Variants in PTPRZ1 observed in about 807,000 individuals in gnomAD.
The protein encoded by PTPRZ1 is protein tyrosine phosphatase receptor type Z1.
In PTPRZ1, 82 loss-of-function variants were observed where a neutral mutation model predicts 214.1. The observed-to-expected ratio is 0.38, with a 90% confidence interval of 0.32 to 0.46. The LOEUF is 0.46. Among genes scored for constraint, PTPRZ1 ranks in the 20% least tolerant of loss-of-function variants. The pLI is 1.00. For missense variants in PTPRZ1, 2,603 were observed against 2,748.7 expected, an observed-to-expected ratio of 0.95 and a Z score of 1.19; for synonymous variants, 945 against 987.9, an observed-to-expected ratio of 0.96 and a Z score of 0.81.
rs572754202 is a variant in PTPRZ1 at position 122,043,412 on chromosome 7, T to A, written c.5937+669T>A. On this transcript the variant is annotated intron_variant, in intron 22 of 29. Coordinates refer to ENST00000393386, the MANE Select transcript of PTPRZ1 (RefSeq NM_002851.3). ...ATAGTGGATGAATCAATTCATTTTT[T>A]AAAAAAATATGAATTATGCTTAAAT... 5.3e-5 allele frequency among the ~76,000 whole-genome samples: 8 copies of A among 152,276 alleles called. No homozygotes were observed. The South Asian group carries it at 1.0e-3, about 20-fold the overall frequency.
rs1388796972 is a variant in PTPRZ1 at position 122,012,356 on chromosome 7, G to A, written c.3310G>A (p.Ala1104Thr). The change falls in exon 12 of 30, where the codon GCT becomes ACT. Residue 1104 changes from alanine to threonine, a missense_variant. Coordinates refer to ENST00000393386, the MANE Select transcript of PTPRZ1 (RefSeq NM_002851.3). ...STKGMFPGSL[A>T]HTTTKVFDHE... ...CAAGGGCATGTTTCCAGGGTCCCTT[G>A]CTCATACCACCACTAAGGTTTTTGA... is the stretch of plus-strand genomic sequence containing the variant. 2 of 1,613,870 alleles carry A rather than the reference G, an allele frequency of 1.2e-6. No individual in the cohort carries two copies. The highest frequency in any genetic ancestry group is 2.2e-5 in the South Asian group (2 of 91,062).
At chr7:121,928,888 T>G (rs1795843431) in intron 2 of PTPRZ1, among the ~76,000 whole-genome samples, 1 of 152,206 alleles carries the variant, frequency 6.6e-6, no homozygotes, top group Admixed American at 6.5e-5. Context: ...GAGTGGAATT[T>G]GGGTGAACCA....
chr7:122,022,382 A>G (rs1409491063), intron 13 of PTPRZ1, among the ~76,000 whole-genome samples: 1 of 151,956 alleles, frequency 6.6e-6, no homozygotes. Flanking sequence ...TTGTCTTTCT[A>G]TTATTGAGTT....
chr7:122,024,550 C>T (rs561331317), intron 13 of PTPRZ1, among the ~76,000 whole-genome samples: 1 of 152,096 alleles, frequency 6.6e-6, no homozygotes, highest in East Asian at 1.9e-4. Context: ...GTATACCTAA[C>T]CAATATGCAA....
intron 21 of PTPRZ1, among the ~76,000 whole-genome samples, chr7:122,041,220 C>CAACTG (rs1799721898): frequency 6.6e-6 from 1 of 152,254 alleles, no homozygotes; most frequent in African/African-American, 2.4e-5. Context: ...TTTGATTGTT[C>CAACTG]AACTGCATTT....
chr7:121,984,218 A>T, intron 8 of PTPRZ1, 101 bp downstream of exon 8: 2 of 1,041,832 alleles, frequency 1.9e-6, no homozygotes, highest in Non-Finnish European at 2.6e-6. Context: ...AGCTTTAGAA[A>T]TGTTTTAATT....
intron 2 of PTPRZ1, among the ~76,000 whole-genome samples, chr7:121,959,114 C>A (rs757502922): frequency 6.6e-6 from 1 of 152,180 alleles, no homozygotes; most frequent in African/African-American, 2.4e-5. Flanking sequence ...TGAGCCACCA[C>A]GCCCGGCCCC....
chr7:121,900,224 C>T (rs940741030), intron 1 of PTPRZ1, among the ~76,000 whole-genome samples: 3 of 152,062 alleles, frequency 2.0e-5, no homozygotes, highest in Non-Finnish European at 2.9e-5. Flanking sequence ...GCTGAAGACA[C>T]AAGGTCATAA....
intron 8 of PTPRZ1, among the ~76,000 whole-genome samples, chr7:121,985,894 A>G: frequency 6.6e-6 from 1 of 152,232 alleles, no homozygotes; most frequent in Non-Finnish European, 1.5e-5. Flanking sequence ...CCATAATGGA[A>G]GTAAATAAGT....
chr7:121,976,289 A>G (rs1252744034), intron 5 of PTPRZ1, 21 bp downstream of exon 5: 7 of 1,360,278 alleles, frequency 5.1e-6, no homozygotes, highest in Non-Finnish European at 5.1e-6. Flanking sequence ...TACACTTTAC[A>G]CTAATGTAAT....
intron 11 of PTPRZ1, among the ~76,000 whole-genome samples, chr7:122,007,397 G>A (rs1176643956): frequency 6.6e-6 from 1 of 152,096 alleles, no homozygotes; most frequent in Non-Finnish European, 1.5e-5. Flanking sequence ...GCAGTGATTG[G>A]TAAGCTTGGC....
intron 13 of PTPRZ1, among the ~76,000 whole-genome samples, chr7:122,024,860 A>G (rs940422): frequency 0.058 from 8,767 of 152,240 alleles, 423 homozygotes; most frequent in African/African-American, 0.13. Flanking sequence ...CCATTCAGTC[A>G]TAGTTATTGG....
intron 10 of PTPRZ1, among the ~76,000 whole-genome samples, chr7:121,999,785 C>T (rs1323306492): frequency 6.6e-6 from 1 of 152,022 alleles, no homozygotes; most frequent in Non-Finnish European, 1.5e-5. Context: ...GTATTTTCTC[C>T]ATAAGTGATT....
chr7:122,034,517 G>A (rs1225071396), intron 17 of PTPRZ1, 139 bp downstream of exon 17: 1 of 663,420 alleles, frequency 1.5e-6, no homozygotes, highest in Non-Finnish European at 2.6e-6. Context: ...TAAGACTTGT[G>A]TTAGATAATA....
intron 13 of PTPRZ1, among the ~76,000 whole-genome samples, chr7:122,021,975 G>A (rs556262215): frequency 3.4e-4 from 52 of 152,208 alleles, no homozygotes; most frequent in African/African-American, 1.2e-3. Context: ...CAAGGTTTAT[G>A]TGAATTATTC....
chr7:121,976,937 C>T (rs941926746), intron 6 of PTPRZ1, 86 bp downstream of exon 6: 9 of 1,130,420 alleles, frequency 8.0e-6, no homozygotes, highest in Non-Finnish European at 1.1e-5. Flanking sequence ...TCACTTGTTC[C>T]AAAAGGTGGA....
Position 122,013,822 on chromosome 7 carries a change from A to G in PTPRZ1, c.4776A>G (p.Gly1592=), listed in dbSNP as rs145034860. The G allele has an allele frequency of 2.5e-6, 4 of 1,614,034 alleles. No homozygotes were observed. The highest frequency in any genetic ancestry group is 3.3e-5 in the Admixed American group (2 of 60,000). ...LAAGDSEITP[G]FPQSPTSSVT... is the part of the protein sequence containing the mutation. Reference sequence around the variant, plus strand: ...CAGGTGACTCAGAAATAACTCCTGGATTCCCACAGTCCCCAACATCATCTG... The same window carrying G: ...CAGGTGACTCAGAAATAACTCCTGGGTTCCCACAGTCCCCAACATCATCTG... The change falls in exon 12 of 30, where the codon GGA becomes GGG. Residue 1592 remains glycine, a synonymous_variant. Coordinates refer to ENST00000393386, the MANE Select transcript of PTPRZ1 (RefSeq NM_002851.3).
chr7:121,885,962 G>A (rs1217187449), intron 1 of PTPRZ1, among the ~76,000 whole-genome samples: 2 of 152,148 alleles, frequency 1.3e-5, no homozygotes, highest in African/African-American at 2.4e-5. Context: ...CTTTTATGGT[G>A]ACATGGGTTG....
intron 1 of PTPRZ1, among the ~76,000 whole-genome samples, chr7:121,907,985 T>C (rs1418298756): frequency 6.6e-6 from 1 of 152,102 alleles, no homozygotes; most frequent in African/African-American, 2.4e-5. Flanking sequence ...CAAATTTAGA[T>C]ATTCAGACTC....
Sources: allele counts gnomAD v4.1 joint callset (sites outside exome capture counted in the v4.1 genomes callset), GRCh38; gene constraint gnomAD v4.1.1; transcripts MANE v1.5; gene names NCBI Gene and HGNC (gene_info 2026-07-23, HGNC 2026-07-21).